SLC2A3: variants seen among roughly 807,000 people sequenced by gnomAD.
SLC2A3 encodes solute carrier family 2, facilitated glucose transporter member 3.
SLC2A3 carries 21 observed loss-of-function variants against 46.4 expected under a neutral mutation model. The observed-to-expected ratio is 0.45, with a 90% CI of 0.32 to 0.65. The LOEUF is 0.65. Ranked by LOEUF, SLC2A3 falls within the 30% of genes least tolerant of loss-of-function variation. The probability of loss-of-function intolerance (pLI) is 0.04; values close to 1 mark genes in which losing one functional copy is unlikely to be tolerated. For synonymous variants in SLC2A3, 213 were observed against 239.4 expected, an observed-to-expected ratio of 0.89 and a Z score of 1.02; for missense variants, 499 against 623.3, an observed-to-expected ratio of 0.80 and a Z score of 2.12.
Position 7,921,193 on chromosome 12 carries a change from GTC to G in SLC2A3, c.*218_*219del, listed in dbSNP as rs1156982274. 1 of 967,062 alleles carries G rather than the reference GTC, an allele frequency of 1.0e-6. No homozygotes were observed. Among genetic ancestry groups the G allele is most frequent in the African/African-American group, 1.6e-5 (1 of 60,696 alleles). The allele number at this position is 967,062 out of a possible 1,614,324, so 59.9% of individuals were successfully genotyped here. On this transcript the variant is annotated 3_prime_UTR_variant, in exon 10 of 10. Coordinates refer to ENST00000075120, the MANE Select transcript of SLC2A3 (RefSeq NM_006931.3). ...CCTGAAATGAAGGTAGGTTCACTCG[GTC>G]TCTCCTAAGCAGAAGAGGATGTCCA... is the stretch of plus-strand genomic sequence containing the variant.
In SLC2A3 at chr12:7,924,263, A is replaced by T. The variant is rs1592354287; in HGVS notation, c.1068+147T>A. On this transcript the variant is annotated intron_variant, in intron 8 of 9. Transcript: ENST00000075120. Reference sequence around the variant, plus strand: ...TTTACCTCCAGTTCTCTGACGACCCATGTTTCTTAAACTCTGGGCATCCTG... The same window carrying T: ...TTTACCTCCAGTTCTCTGACGACCCTTGTTTCTTAAACTCTGGGCATCCTG... The T allele has an allele frequency of 7.1e-6, 10 of 1,405,702 alleles. No individual in the cohort carries two copies. In the East Asian group the frequency reaches 2.4e-4, roughly 34 times the overall value. The allele number at this position is 1,405,702 out of a possible 1,614,324, so 87.1% of individuals were successfully genotyped here.
At chr12:7,930,792 GTTTTTTTTTTTTTT>G (rs66814289) in intron 4 of SLC2A3, 150 bp from the exon 5 acceptor site, 6 of 247,080 alleles carry the variant, frequency 2.4e-5, no homozygotes, top group Non-Finnish European at 2.6e-5. Context: ...ACTCAGCATG[GTTTTTTTTTTTTTT>G]TTTTTTTTGA....
Position 7,930,471 on chromosome 12 carries a change from G to A in SLC2A3, c.673+9C>T, listed in dbSNP as rs199777164. 4 of 1,611,724 alleles carry A rather than the reference G, an allele frequency of 2.5e-6. No homozygotes were observed. Among genetic ancestry groups the A allele is most frequent in the South Asian group, 2.2e-5 (2 of 90,998 alleles). On this transcript the variant is annotated intron_variant, in intron 5 of 9. Coordinates refer to ENST00000075120, the MANE Select transcript of SLC2A3 (RefSeq NM_006931.3). ...ATAATTCATGTAGTAAGGTGTGAAG[G>A]ATACTCACTCTGCTTAGCATTCTCC... is the stretch of plus-strand genomic sequence containing the variant.
At chr12:7,932,908 C>A (rs1002783817) in intron 3 of SLC2A3, 79 bp downstream of exon 3, 1 of 1,563,642 alleles carries the variant, frequency 6.4e-7, no homozygotes, top group Non-Finnish European at 8.7e-7. Flanking sequence ...GGCATCATCA[C>A]CTCCCTGCCC....
chr12:7,933,618 C>T, intron 2 of SLC2A3, 192 bp downstream of exon 2: 1 of 575,598 alleles, frequency 1.7e-6, no homozygotes, highest in Non-Finnish European at 3.0e-6. Context: ...GGGGAGGGAC[C>T]CTCACTAACT....
At chr12:7,926,136 G>A (rs1946092703) in intron 6 of SLC2A3, among the ~76,000 whole-genome samples, 188 bp from the exon 7 acceptor site, 1 of 152,126 alleles carries the variant, frequency 6.6e-6, no homozygotes, top group South Asian at 2.1e-4. Context: ...CTGTCACCCA[G>A]GCAGGAGTGC....
chr12:7,929,319 T>C (rs894908067), intron 6 of SLC2A3, among the ~76,000 whole-genome samples: 5 of 152,102 alleles, frequency 3.3e-5, no homozygotes, highest in African/African-American at 9.7e-5. Flanking sequence ...TGCCAAATGC[T>C]AGCTTCCGTT....
chr12:7,926,038 T>G, intron 6 of SLC2A3, 90 bp from the exon 7 acceptor site: 2 of 1,058,934 alleles, frequency 1.9e-6, no homozygotes. Context: ...TCCCAGTGGG[T>G]AAGAAGTCCT....
intron 1 of SLC2A3, 94 bp downstream of exon 1, chr12:7,935,926 A>G: frequency 9.4e-7 from 1 of 1,065,304 alleles, no homozygotes. Context: ...TTGGTGACTT[A>G]GGAGAAAATA....
In SLC2A3 at chr12:7,925,816, C is replaced by T. The variant is rs751921666; in HGVS notation, c.966+28G>A. On this transcript the variant is annotated intron_variant, in intron 7 of 9. Coordinates refer to ENST00000075120, the MANE Select transcript of SLC2A3 (RefSeq NM_006931.3). Reference sequence around the variant, plus strand: ...TCTGTAGCAAGGATTCTTTTCTCCCCTCAAAATTACCAAACCATCCAACTT... The same window carrying T: ...TCTGTAGCAAGGATTCTTTTCTCCCTTCAAAATTACCAAACCATCCAACTT... 44 of 1,560,868 alleles carry T rather than the reference C, an allele frequency of 2.8e-5. No individual in the cohort carries two copies. The South Asian group carries it at 4.7e-4, about 17-fold the overall frequency.
intron 9 of SLC2A3, among the ~76,000 whole-genome samples, chr12:7,922,610 C>T (rs929831660): frequency 6.6e-6 from 1 of 151,994 alleles, no homozygotes; most frequent in Non-Finnish European, 1.5e-5. Flanking sequence ...TACAGGCATG[C>T]ACCACCATGC....
intron 6 of SLC2A3, chr12:7,929,453 C>A (rs957410305): frequency 2.0e-6 from 1 of 492,822 alleles, no homozygotes; most frequent in East Asian, 3.8e-5. Context: ...CTTCCAGGGT[C>A]TTTTTTTTTT....
chr12:7,921,505 C>T lies in SLC2A3; in HGVS notation c.1399G>A (p.Gly467Arg). 2 of 1,613,958 alleles carry T rather than the reference C, an allele frequency of 1.2e-6. No homozygotes were observed. Among genetic ancestry groups the T allele is most frequent in the Non-Finnish European group, 1.7e-6 (2 of 1,179,862 alleles). ...GATCTATCTGCACCGTGTGCCTGCCCTTCAAAGGCCCGTGTGATATCCTCA... is the reference window on the plus strand; with the variant it reads ...GATCTATCTGCACCGTGTGCCTGCCTTTCAAAGGCCCGTGTGATATCCTCA... ...TFEDITRAFEGQAHGADRSGK... is the reference protein window; with the variant it reads ...TFEDITRAFERQAHGADRSGK... Residue 467 changes from glycine (G) to arginine (R), a missense_variant, in exon 10 of 10, where the codon GGG becomes AGG. Transcript: ENST00000075120.
chr12:7,927,148 C>T (rs910305377), intron 6 of SLC2A3, among the ~76,000 whole-genome samples: 12 of 152,028 alleles, frequency 7.9e-5, no homozygotes, highest in Admixed American at 2.6e-4. Context: ...TATGTATATT[C>T]ATATTTTCTA....
chr12:7,928,568 CTTTCTTT>C (rs1946118784), intron 6 of SLC2A3, among the ~76,000 whole-genome samples: 1 of 151,866 alleles, frequency 6.6e-6, no homozygotes, highest in African/African-American at 2.4e-5. Flanking sequence ...TTCTTTCATT[CTTTCTTT>C]TTTCTTTTTT....
intron 8 of SLC2A3, among the ~76,000 whole-genome samples, chr12:7,923,807 C>T (rs1053553559): frequency 8.6e-5 from 12 of 139,070 alleles, no homozygotes. Context: ...TCGCTCTTGT[C>T]GCTCAGGCTG....
intron 3 of SLC2A3, among the ~76,000 whole-genome samples, chr12:7,932,262 C>A (rs1295966339): frequency 1.3e-5 from 2 of 151,754 alleles, no homozygotes; most frequent in Non-Finnish European, 2.9e-5. Context: ...CCCTCTGCAC[C>A]CCCACTGCAG....
chr12:7,935,925 TAGG>T lies in SLC2A3; in HGVS notation c.15+92_15+94del. 6.6e-6 allele frequency: 7 copies of T among 1,061,610 alleles called. No homozygotes were observed. In the Admixed American group the frequency reaches 1.2e-4, roughly 18 times the overall value. 65.8% of individuals were successfully genotyped at this position (1,061,610 alleles called of 1,614,324 possible). A position where few individuals can be genotyped will look rare whatever the true frequency, so the allele number is the denominator to read the frequency against. On this transcript the variant is annotated intron_variant, in intron 1 of 9. Coordinates refer to ENST00000075120, the MANE Select transcript of SLC2A3 (RefSeq NM_006931.3). ...AAGGCCTTAAGATAGCTTGGTGACT[TAGG>T]AGAAAATAGAACAAGGAGATTACCA...
chr12:7,922,434 G>A (rs1946046911), intron 9 of SLC2A3, among the ~76,000 whole-genome samples: 1 of 151,666 alleles, frequency 6.6e-6, no homozygotes, highest in South Asian at 2.1e-4. Flanking sequence ...ACAGGTAACT[G>A]AAACTGAAGA....
Sources: allele counts gnomAD v4.1 joint callset (sites outside exome capture counted in the v4.1 genomes callset), GRCh38; gene constraint gnomAD v4.1.1; transcripts MANE v1.5; gene names NCBI Gene and HGNC (gene_info 2026-07-23, HGNC 2026-07-21).